Variants in MMP25 observed in about 807,000 individuals in gnomAD.
The protein encoded by MMP25 is matrix metalloproteinase-25.
Under a neutral mutation model 62.1 loss-of-function variants are expected in MMP25, and 68 were observed. The observed-to-expected ratio is 1.10, with a 90% CI of 0.90 to 1.34. The LOEUF is 1.34. MMP25 is among the 40% of genes most tolerant of loss of function. The pLI, the probability that MMP25 is intolerant of heterozygous loss-of-function variation, is 0.00. For synonymous variants in MMP25, 407 were observed against 345.6 expected, an observed-to-expected ratio of 1.18 and a Z score of -1.97; for missense variants, 942 against 792.5, an observed-to-expected ratio of 1.19 and a Z score of -2.26.
chr16:3,058,679 G>A lies in MMP25; in HGVS notation c.1417+10G>A, dbSNP rs758073900. ...ACCGTCAGCAACGCAGGTGGGGAGC[G>A]CGGTGACCTGCGGGTTACTGGGCCT... is the stretch of plus-strand genomic sequence containing the variant. On this transcript the variant is annotated intron_variant, in intron 9 of 9. Transcript: ENST00000336577. The A allele has an allele frequency of 1.3e-5, 20 of 1,587,516 alleles. No homozygotes were observed. The highest frequency in any genetic ancestry group is 4.5e-5 in the South Asian group (4 of 88,296).
At chr16:3,056,964 G>C (rs1294896094) in intron 4 of MMP25, 69 bp from the exon 5 acceptor site, 9 of 1,491,498 alleles carry the variant, frequency 6.0e-6, no homozygotes, top group Admixed American at 2.2e-5. Context: ...AGCTGCACTC[G>C]CAGGGCCTTC....
Position 3,058,581 on chromosome 16 carries a change from G to A in MMP25, c.1329G>A (p.Ala443=). The A allele has an allele frequency of 6.2e-7, 1 of 1,608,396 alleles. No individual in the cohort carries two copies. ...AGTACTGGCGCTACGACGAGGCGGC[G>A]GCGCGCCCGGACCCCGGCTACCCTC... is the stretch of plus-strand genomic sequence containing the variant. ...GRQYWRYDEA[A]ARPDPGYPRD... is the part of the protein sequence containing the mutation. The change falls in exon 9 of 10, where the codon GCG becomes GCA. Residue 443 remains alanine (A), a synonymous_variant. Transcript: ENST00000336577.
chr16:3,057,583 A>G lies in MMP25; in HGVS notation c.976A>G (p.Asn326Asp). The G allele has an allele frequency of 6.2e-7, 1 of 1,614,138 alleles. No homozygotes were observed. Among genetic ancestry groups the G allele is most frequent in the Non-Finnish European group, 8.5e-7 (1 of 1,180,022 alleles). Residue 326 changes from asparagine (N) to aspartate (D), a missense_variant, in exon 7 of 10, where the codon AAC (asparagine) becomes GAC (aspartate). Asn to Asp is a conservative substitution (Grantham distance 23, BLOSUM62 1). Coordinates refer to ENST00000336577, the MANE Select transcript of MMP25 (RefSeq NM_022468.5). ...RCEGNFDAIANIRGETFFFKG... is the reference protein window; with the variant it reads ...RCEGNFDAIADIRGETFFFKG... ...TGAGGGCAATTTTGACGCCATCGCC[A>G]ACATCCGAGGGGAAACTTTCTTCTT...
chr16:3,059,118 C>A lies in MMP25; in HGVS notation c.*20C>A, dbSNP rs1217214888. 6.6e-7 allele frequency: 1 copy of A among 1,512,680 alleles called. No homozygotes were observed. Among genetic ancestry groups the A allele is most frequent in the Non-Finnish European group, 8.9e-7 (1 of 1,124,844 alleles). The allele number at this position is 1,512,680 out of a possible 1,614,324, so 93.7% of individuals were successfully genotyped here. On this transcript the variant is annotated 3_prime_UTR_variant, in exon 10 of 10. Transcript: ENST00000336577. ...CGCTGATGGGGGGAGCCATCCAGAC[C>A]GAACAGCGCCCTCCACGGCCGAGTC...
rs548547696 is a variant in MMP25 at position 3,050,758 on chromosome 16, G to A, written c.661+212G>A. Reference sequence around the variant, plus strand: ...CTCCAGAGTAGCTGGGATCACTGGTGCACACCACCATACCTGGCTATTTTT... The same window carrying A: ...CTCCAGAGTAGCTGGGATCACTGGTACACACCACCATACCTGGCTATTTTT... On this transcript the variant is annotated intron_variant, in intron 4 of 9. Transcript: ENST00000336577. Among the ~76,000 whole-genome samples, 3 of 152,274 alleles carry A rather than the reference G, an allele frequency of 2.0e-5. No individual in the cohort carries two copies. The South Asian group carries it at 6.2e-4, about 32-fold the overall frequency.
In MMP25 at chr16:3,053,752, CAA is replaced by C. The variant is rs1266099289; in HGVS notation, c.661+3207_661+3208del. 5 of 151,598 alleles carry C rather than the reference CAA, an allele frequency of 3.3e-5. No individual in the cohort carries two copies. The East Asian group carries it at 9.7e-4, about 29-fold the overall frequency. The allele number at this position is 151,598 out of a possible 1,614,324, so 9.4% of individuals were successfully genotyped here. On this transcript the variant is annotated intron_variant, in intron 4 of 9. Coordinates refer to ENST00000336577, the MANE Select transcript of MMP25 (RefSeq NM_022468.5). ...GACTAAGCCCAAAGGTGATCAACAA[CAA>C]GAGTGAAGGAGGAAGTGGTCAGCTG...
At position 3,050,102 on chromosome 16, in the gene MMP25, C is replaced by G. The variant is rs770815168; in HGVS notation, c.326C>G (p.Ala109Gly). The change falls in exon 3 of 10, where the codon GCT (alanine) becomes GGT (glycine). Residue 109 changes from alanine (A) to glycine (G), a missense_variant. Transcript: ENST00000336577. ...AGLVRRRRRYALSGSVWKKRT... is the reference protein window; with the variant it reads ...AGLVRRRRRYGLSGSVWKKRT... ...CTGGTCAGGCGGCGTCGCCGGTACG[C>G]TCTGAGCGGCAGCGTGTGGAAGAAG... is the stretch of plus-strand genomic sequence containing the variant. The G allele has an allele frequency of 6.2e-7, 1 of 1,611,144 alleles. No individual in the cohort carries two copies. The highest frequency in any genetic ancestry group is 8.5e-7 in the Non-Finnish European group (1 of 1,179,230).
rs1955889753 is a variant in MMP25, at chr16:3,050,648, C to T, written c.661+102C>T. The T allele has an allele frequency of 4.0e-6, 5 of 1,261,992 alleles. No individual in the cohort carries two copies. The South Asian group carries it at 4.8e-5, about 12-fold the overall frequency. The allele number at this position is 1,261,992 out of a possible 1,614,324, so 78.2% of individuals were successfully genotyped here. A position where few individuals can be genotyped will look rare whatever the true frequency, so the allele number is the denominator to read the frequency against. On this transcript the variant is annotated intron_variant, in intron 4 of 9. Transcript: ENST00000336577. ...TTTGTTTAAGAAACAAGGTCTTGCT[C>T]TGTTGCTCAGGCTAGAGTGCAGTGG...
intron 1 of MMP25, 147 bp downstream of exon 1, chr16:3,047,163 T>G: frequency 9.0e-7 from 1 of 1,110,334 alleles, no homozygotes; most frequent in South Asian, 1.8e-5. Flanking sequence ...CCCGGCTTCT[T>G]GGGTCTGTCG....
In MMP25 at chr16:3,060,317, G is replaced by C. The variant is rs539709983; in HGVS notation, c.*1219G>C. ...CATTTTAACTAGTCGCGGGGATTGT[G>C]GGGGGCAGTAGCTGGCTGTTTCGTG... is the stretch of plus-strand genomic sequence containing the variant. On this transcript the variant is annotated 3_prime_UTR_variant, in exon 10 of 10. Transcript: ENST00000336577. 19 of 152,552 alleles carry C rather than the reference G, an allele frequency of 1.2e-4. No individual in the cohort carries two copies. Among genetic ancestry groups the C allele is most frequent in the African/African-American group, 3.1e-4 (13 of 41,546 alleles). 9.4% of individuals were successfully genotyped at this position (152,552 alleles called of 1,614,324 possible).
In MMP25 at chr16:3,058,603, C is replaced by A. The variant is rs974525981; in HGVS notation, c.1351C>A (p.Pro451Thr). The A allele has an allele frequency of 4.4e-6, 7 of 1,607,652 alleles. No individual in the cohort carries two copies. The highest frequency in any genetic ancestry group is 5.9e-6 in the Non-Finnish European group (7 of 1,177,932). ...GGCGGCGCGCCCGGACCCCGGCTAC[C>A]CTCGCGACCTGAGCCTCTGGGAAGG... Reference protein sequence around the residue: ...EAAARPDPGYPRDLSLWEGAP... With the variant: ...EAAARPDPGYTRDLSLWEGAP... The change falls in exon 9 of 10, where the codon CCT becomes ACT. Residue 451 changes from proline to threonine, a missense_variant. Physicochemically the swap from Pro to Thr is conservative, Grantham distance 38. Coordinates refer to ENST00000336577, the MANE Select transcript of MMP25 (RefSeq NM_022468.5).
chr16:3,053,842 G>A (rs1355916641), intron 4 of MMP25: 1 of 152,150 alleles, frequency 6.6e-6, no homozygotes, highest in African/African-American at 2.4e-5. Context: ...CAGGGACAAA[G>A]TGACCTTTTT....
chr16:3,056,995 C>T (rs754624459), intron 4 of MMP25, 38 bp from the exon 5 acceptor site: 4 of 1,525,574 alleles, frequency 2.6e-6, no homozygotes, highest in Non-Finnish European at 3.5e-6. Flanking sequence ...TTTCCCCAAG[C>T]AGGGGCGGCC....
chr16:3,056,297 C>T (rs992977955), intron 4 of MMP25: 1 of 218,104 alleles, frequency 4.6e-6, no homozygotes, highest in South Asian at 5.7e-5. Context: ...GGAGGGGATG[C>T]TCCCAGGGCT....
chr16:3,057,473 G>A, intron 6 of MMP25, 58 bp from the exon 7 acceptor site: 1 of 1,597,302 alleles, frequency 6.3e-7, no homozygotes, highest in African/African-American at 1.3e-5. Flanking sequence ...GATGGTGGGG[G>A]TCCCTGCCTT....
chr16:3,047,836 G>T (rs911206624), intron 2 of MMP25, among the ~76,000 whole-genome samples: 23 of 127,956 alleles, frequency 1.8e-4, no homozygotes, highest in Admixed American at 1.4e-3. Context: ...CACTCTCCAA[G>T]GATTTTTTTT....
At chr16:3,054,488 G>C (rs1455968048) in intron 4 of MMP25, 1 of 137,834 alleles carries the variant, frequency 7.3e-6, no homozygotes, top group East Asian at 2.3e-4. Context: ...AGGCAGGGAT[G>C]GATGGATGGA....
chr16:3,048,128 C>A (rs907025762), intron 2 of MMP25, among the ~76,000 whole-genome samples: 9 of 152,186 alleles, frequency 5.9e-5, no homozygotes, highest in African/African-American at 2.2e-4. Context: ...TGTGAGCCAC[C>A]GTGCCCAGTC....
chr16:3,056,997 G>C (rs752239923), intron 4 of MMP25, 36 bp from the exon 5 acceptor site: 41 of 1,527,334 alleles, frequency 2.7e-5, no homozygotes, highest in Admixed American at 6.1e-5. Context: ...TCCCCAAGCA[G>C]GGGCGGCCGC....
Sources: allele counts gnomAD v4.1 joint callset (sites outside exome capture counted in the v4.1 genomes callset), GRCh38; gene constraint gnomAD v4.1.1; transcripts MANE v1.5; gene names NCBI Gene and HGNC (gene_info 2026-07-23, HGNC 2026-07-21).